The following JAK2 variants were observed in gnomAD, a reference collection of about 807,000 sequenced individuals.
The protein encoded by JAK2 is Janus kinase 2.
A neutral mutation model predicts 139.3 loss-of-function variants in JAK2; 86 were observed. That is an observed-to-expected ratio of 0.62 (90% CI 0.52 to 0.74). The LOEUF (loss-of-function observed/expected upper bound fraction) is 0.74. Among genes scored for constraint, JAK2 ranks in the 30% least tolerant of loss-of-function variants. The pLI, the probability that JAK2 is intolerant of heterozygous loss-of-function variation, is 0.00. For missense variants in JAK2, 1,421 were observed against 1,360.3 expected, an observed-to-expected ratio of 1.04 and a Z score of -0.70; for synonymous variants, 490 against 437.7, an observed-to-expected ratio of 1.12 and a Z score of -1.49.
Position 5,096,343 on chromosome 9 carries a change from G to T in JAK2, c.3059+5432G>T, listed in dbSNP as rs375035693. Among the ~76,000 whole-genome samples, 4 of 152,174 alleles carry T rather than the reference G, an allele frequency of 2.6e-5. No individual in the cohort carries two copies. The East Asian group carries it at 7.7e-4, about 29-fold the overall frequency. On this transcript the variant is annotated intron_variant, in intron 22 of 24. Transcript: ENST00000381652. ...TACTTAATTTCTGTAACAAACCCAA[G>T]GACTGCAAAACTCTATTCTGCATCA...
At chr9:4,988,473 T>G (rs1820086070) in intron 2 of JAK2, among the ~76,000 whole-genome samples, 1 of 152,226 alleles carries the variant, frequency 6.6e-6, no homozygotes, top group African/African-American at 2.4e-5. Flanking sequence ...AACTACTAAG[T>G]AAGTTGTTCA....
intron 22 of JAK2, chr9:5,098,735 C>T (rs2130732174): frequency 6.6e-6 from 1 of 151,752 alleles, no homozygotes; most frequent in South Asian, 2.1e-4. Flanking sequence ...GCTCTGTCGC[C>T]CAGGCTGCAG....
intron 10 of JAK2, among the ~76,000 whole-genome samples, chr9:5,068,223 T>C (rs1200163508): frequency 6.6e-6 from 1 of 151,554 alleles, no homozygotes; most frequent in East Asian, 1.9e-4. Flanking sequence ...AAGAACCTGA[T>C]TGACCTTGAG....
chr9:5,060,859 T>C (rs1170892585), intron 8 of JAK2, among the ~76,000 whole-genome samples: 1 of 152,226 alleles, frequency 6.6e-6, no homozygotes. Flanking sequence ...AGCTTAGCCT[T>C]ACAAAATGTA....
intron 5 of JAK2, among the ~76,000 whole-genome samples, chr9:5,047,812 G>A (rs1465284750): frequency 6.6e-6 from 1 of 151,984 alleles, no homozygotes; most frequent in African/African-American, 2.4e-5. Context: ...TATTGTCCAG[G>A]CTGGTTTCAA....
intron 22 of JAK2, among the ~76,000 whole-genome samples, chr9:5,116,885 G>A (rs1823234876): frequency 6.6e-6 from 1 of 152,216 alleles, no homozygotes; most frequent in Admixed American, 6.5e-5. Context: ...AAGTGTAAGT[G>A]CAATAATTAA....
chr9:5,110,776 G>C, intron 22 of JAK2: 1 of 393,896 alleles, frequency 2.5e-6, no homozygotes, highest in Middle Eastern at 8.5e-4. Flanking sequence ...TGCAGGAGTG[G>C]TAAGGGCCCG....
intron 2 of JAK2, among the ~76,000 whole-genome samples, chr9:4,990,802 T>C (rs1231069710): frequency 6.6e-6 from 1 of 152,142 alleles, no homozygotes; most frequent in Admixed American, 6.5e-5. Flanking sequence ...AAATAACCAC[T>C]GTTAATATTT....
chr9:5,008,649 C>G (rs1398545672), intron 2 of JAK2, among the ~76,000 whole-genome samples: 1 of 152,138 alleles, frequency 6.6e-6, no homozygotes, highest in Non-Finnish European at 1.5e-5. Context: ...AAACTGAACT[C>G]TTTTAGAGTT....
At chr9:5,008,719 A>C (rs998503073) in intron 2 of JAK2, among the ~76,000 whole-genome samples, 4 of 152,186 alleles carry the variant, frequency 2.6e-5, no homozygotes, top group Non-Finnish European at 5.9e-5. Flanking sequence ...CAGTTTTTAA[A>C]AAATTAAATG....
At chr9:5,085,906 C>T (rs1396467023) in intron 19 of JAK2, 3 of 931,514 alleles carry the variant, frequency 3.2e-6, no homozygotes, top group African/African-American at 1.6e-5. Context: ...TTTCTAATAC[C>T]CTCATACAGA....
intron 4 of JAK2, among the ~76,000 whole-genome samples, chr9:5,035,547 G>A (rs1823520781): frequency 6.6e-6 from 1 of 152,164 alleles, no homozygotes; most frequent in African/African-American, 2.4e-5. Flanking sequence ...GATCAAGTGG[G>A]CTTCATGCCT....
At chr9:5,111,056 G>A (rs2130796587) in intron 22 of JAK2, 7 of 1,087,338 alleles carry the variant, frequency 6.4e-6, no homozygotes, top group Non-Finnish European at 6.7e-6. Flanking sequence ...AGAGGTTCAG[G>A]TCTTGAGAAC....
intron 16 of JAK2, among the ~76,000 whole-genome samples, chr9:5,079,808 C>T (rs953678184): frequency 6.6e-6 from 1 of 151,664 alleles, no homozygotes; most frequent in East Asian, 1.9e-4. Context: ...GACACAGTGA[C>T]ACCCTGTCTC....
rs531521387 is a variant in JAK2 at position 5,031,008 on chromosome 9, T to C, written c.350+1102T>C. Among the ~76,000 whole-genome samples, 6 of 152,256 alleles carry C rather than the reference T, an allele frequency of 3.9e-5. No homozygotes were observed. In the South Asian group the frequency reaches 1.2e-3, roughly 32 times the overall value. On this transcript the variant is annotated intron_variant, in intron 4 of 24. Transcript: ENST00000381652. The stretch of plus-strand genomic sequence containing the variant: ...TATGCAGTGTAGCTACAAAAACCCT[T>C]AACTAACCAGGAATGGTCTTAATAA...
In JAK2 at chr9:5,022,085, A is replaced by T. The variant is rs538474116; in HGVS notation, c.98A>T (p.Lys33Met). 1.2e-6 allele frequency: 2 copies of T among 1,613,706 alleles called. No individual in the cohort carries two copies. The highest frequency in any genetic ancestry group is 2.7e-5 in the African/African-American group (2 of 74,940). ...GDISGNANSM[K>M]QIDPVLQVYL... ...ATTTCTGGAAATGCCAATTCTATGA[A>T]GCAAATAGATCCAGTTCTTCAGGTG... The change falls in exon 3 of 25, where the codon AAG (lysine) becomes ATG (methionine). Residue 33 changes from lysine to methionine, a missense_variant. Physicochemically the swap from Lys to Met is moderately conservative, Grantham distance 95 (BLOSUM62 -1). Transcript: ENST00000381652.
intron 22 of JAK2, chr9:5,111,055 G>C (rs938734873): frequency 1.9e-6 from 2 of 1,072,466 alleles, no homozygotes; most frequent in African/African-American, 1.6e-5. Context: ...CAGAGGTTCA[G>C]GTCTTGAGAA....
At chr9:5,099,522 TAATC>T (rs1821296609) in intron 22 of JAK2, 1 of 152,152 alleles carries the variant, frequency 6.6e-6, no homozygotes. Context: ...ACACCAAAAA[TAATC>T]AAAACACAAA....
chr9:5,105,480 C>T (rs536142078), intron 22 of JAK2, among the ~76,000 whole-genome samples: 14 of 152,232 alleles, frequency 9.2e-5, no homozygotes, highest in Middle Eastern at 3.4e-3. Flanking sequence ...GTGAAAATGG[C>T]GATACTGCCC....
Sources: allele counts gnomAD v4.1 joint callset (sites outside exome capture counted in the v4.1 genomes callset), GRCh38; gene constraint gnomAD v4.1.1; transcripts MANE v1.5; gene names NCBI Gene and HGNC (gene_info 2026-07-23, HGNC 2026-07-21).